The following TMEFF2 variants were observed in gnomAD, a reference collection of about 807,000 sequenced individuals.
TMEFF2 encodes the protein transmembrane protein with EGF like and two follistatin like domains 2.
Under a neutral mutation model 53.8 loss-of-function variants are expected in TMEFF2, and 28 were observed. The observed-to-expected ratio is 0.52, with a 90% CI of 0.39 to 0.71. The LOEUF (loss-of-function observed/expected upper bound fraction) is 0.71, where lower values mean the gene tolerates loss of function less well. Ranked by LOEUF, TMEFF2 falls within the 30% of genes least tolerant of loss-of-function variation. The pLI is 0.00. For missense variants in TMEFF2, 353 were observed against 455.2 expected (o/e 0.78, Z 2.04); for synonymous variants, 162 against 166.3 (o/e 0.97, Z 0.20).
intron 4 of TMEFF2, among the ~76,000 whole-genome samples, chr2:192,115,568 A>G (rs1689384380): frequency 6.6e-6 from 1 of 152,028 alleles, no homozygotes; most frequent in Non-Finnish European, 1.5e-5. Context: ...GGGAGAAAAT[A>G]TTTGCCAGCC....
At chr2:192,091,532 A>G (rs1688790015) in intron 4 of TMEFF2, among the ~76,000 whole-genome samples, 1 of 152,214 alleles carries the variant, frequency 6.6e-6, no homozygotes, top group Admixed American at 6.5e-5. Context: ...TAAGAAGCTT[A>G]TTCATGCATT....
intron 4 of TMEFF2, among the ~76,000 whole-genome samples, chr2:192,117,206 T>C (rs1184717238): frequency 6.6e-6 from 1 of 152,048 alleles, no homozygotes; most frequent in Non-Finnish European, 1.5e-5. Flanking sequence ...TCTCTCAGAG[T>C]TATGAATAGC....
At chr2:191,988,750 C>T (rs1167170315) in intron 7 of TMEFF2, among the ~76,000 whole-genome samples, 2 of 151,876 alleles carry the variant, frequency 1.3e-5, no homozygotes, top group East Asian at 3.9e-4. Flanking sequence ...ATGACACACA[C>T]AGCTTTCAAC....
chr2:191,956,152 A>T, intron 8 of TMEFF2, 103 bp downstream of exon 8: 1 of 1,257,906 alleles, frequency 7.9e-7, no homozygotes, highest in Non-Finnish European at 1.1e-6. Flanking sequence ...GTTGCTGATT[A>T]CCCATTCAAG....
At chr2:192,000,645 A>C (rs1285626836) in intron 5 of TMEFF2, among the ~76,000 whole-genome samples, 1 of 152,004 alleles carries the variant, frequency 6.6e-6, no homozygotes, top group Non-Finnish European at 1.5e-5. Context: ...CTGTTGATTG[A>C]GAGAGGCTTT....
At chr2:192,192,291 T>G (rs971196957) in intron 1 of TMEFF2, among the ~76,000 whole-genome samples, 2 of 81,148 alleles carry the variant, frequency 2.5e-5, no homozygotes, top group East Asian at 9.6e-4. Flanking sequence ...TTGCTTCCTG[T>G]TTTTTTTTTA....
chr2:191,987,994 T>C (rs116199190), intron 7 of TMEFF2, among the ~76,000 whole-genome samples: 433 of 152,278 alleles, frequency 2.8e-3, no homozygotes, highest in Middle Eastern at 6.8e-3. Context: ...AGGATAACAT[T>C]ACAATTAGCT....
chr2:192,058,527 T>C (rs1687967437), intron 4 of TMEFF2, among the ~76,000 whole-genome samples: 1 of 152,148 alleles, frequency 6.6e-6, no homozygotes, highest in Non-Finnish European at 1.5e-5. Flanking sequence ...AGGCAATATA[T>C]CACCTAATTA....
chr2:192,139,169 G>C (rs1206469944), intron 4 of TMEFF2, among the ~76,000 whole-genome samples: 1 of 152,150 alleles, frequency 6.6e-6, no homozygotes, highest in Non-Finnish European at 1.5e-5. Flanking sequence ...CCAAGTGGCT[G>C]AAATTGTCAC....
chr2:192,132,962 G>A (rs939085470), intron 4 of TMEFF2, among the ~76,000 whole-genome samples: 2 of 152,122 alleles, frequency 1.3e-5, no homozygotes, highest in Non-Finnish European at 2.9e-5. Flanking sequence ...TCTCACAGTG[G>A]AAAGTAAGTC....
chr2:191,971,500 G>A (rs542252691), intron 7 of TMEFF2, among the ~76,000 whole-genome samples: 2 of 152,246 alleles, frequency 1.3e-5, no homozygotes, highest in South Asian at 2.1e-4. Context: ...ATCAAACAGA[G>A]CCCCTCACTT....
At position 191,950,077 on chromosome 2, in the gene TMEFF2, A is replaced by G. The variant is rs1383447405; in HGVS notation, c.*234T>C. On this transcript the variant is annotated 3_prime_UTR_variant, in exon 10 of 10. Coordinates refer to ENST00000272771, the MANE Select transcript of TMEFF2 (RefSeq NM_016192.4). ...AAATACATGGGAAAGAAAAAACTAT[A>G]TTGTGTGATATAAATAGTTTATTTA... 2 of 1,247,004 alleles carry G rather than the reference A, an allele frequency of 1.6e-6. No individual in the cohort carries two copies. Among genetic ancestry groups the G allele is most frequent in the African/African-American group, 1.5e-5 (1 of 65,348 alleles). The allele number at this position is 1,247,004 out of a possible 1,614,324, so 77.2% of individuals were successfully genotyped here.
At chr2:192,083,183 T>TA (rs1688592873) in intron 4 of TMEFF2, among the ~76,000 whole-genome samples, 1 of 152,046 alleles carries the variant, frequency 6.6e-6, no homozygotes, top group Non-Finnish European at 1.5e-5. Flanking sequence ...TTGTAGTAGG[T>TA]AGTGTCCAGG....
intron 4 of TMEFF2, among the ~76,000 whole-genome samples, chr2:192,130,690 C>T (rs1019280957): frequency 6.6e-5 from 10 of 151,810 alleles, no homozygotes; most frequent in Non-Finnish European, 8.8e-5. Context: ...TCCTATGAAA[C>T]GGCCCCACCC....
At chr2:191,979,134 A>G (rs1326384586) in intron 7 of TMEFF2, among the ~76,000 whole-genome samples, 3 of 152,220 alleles carry the variant, frequency 2.0e-5, no homozygotes, top group Non-Finnish European at 4.4e-5. Context: ...TATATGGGCA[A>G]TGAAACAAAT....
intron 4 of TMEFF2, among the ~76,000 whole-genome samples, chr2:192,170,367 C>T (rs556429375): frequency 6.6e-6 from 1 of 152,040 alleles, no homozygotes; most frequent in Non-Finnish European, 1.5e-5. Flanking sequence ...TCTCAATGCC[C>T]ACAAGAACAT....
rs776266280 is a variant in TMEFF2, at chr2:192,070,148, T to C, written c.440-12373A>G. On this transcript the variant is annotated intron_variant, in intron 4 of 9. Coordinates refer to ENST00000272771, the MANE Select transcript of TMEFF2 (RefSeq NM_016192.4). ...TTTAATGCTTGTTTTTAGGACATTA[T>C]ACAAAATATTGAAGGACACATAAGC... 1.3e-4 allele frequency among the ~76,000 whole-genome samples: 19 copies of C among 151,418 alleles called. No homozygotes were observed. In the South Asian group the frequency reaches 1.9e-3, roughly 15 times the overall value.
At chr2:192,177,126 T>C (rs1303216431) in intron 4 of TMEFF2, 2 of 151,268 alleles carry the variant, frequency 1.3e-5, no homozygotes, top group African/African-American at 4.8e-5. Context: ...CAATCACTAG[T>C]TACAATTGTT....
intron 7 of TMEFF2, among the ~76,000 whole-genome samples, chr2:191,984,426 C>T (rs933036774): frequency 9.2e-5 from 14 of 152,018 alleles, no homozygotes; most frequent in South Asian, 2.1e-4. Flanking sequence ...AGAGCTACAA[C>T]GTAAAATCCT....
Sources: gnomAD v4.1 joint callset for allele counts (sites outside exome capture counted in the v4.1 genomes callset) on GRCh38, gnomAD v4.1.1 for gene constraint, MANE v1.5 for transcripts, NCBI Gene and HGNC (gene_info 2026-07-23, HGNC 2026-07-21) for gene names.